The following MCM8 variants were observed in gnomAD, a reference collection of about 807,000 sequenced individuals.
MCM8 encodes the protein minichromosome maintenance 8 homologous recombination repair factor, also known as DNA helicase MCM8.
A neutral mutation model predicts 98.9 loss-of-function variants in MCM8; 85 were observed. The observed-to-expected ratio is 0.86, with a 90% confidence interval of 0.72 to 1.03. MCM8 has a LOEUF of 1.03. Among genes scored for constraint, MCM8 ranks in the 50% least tolerant of loss-of-function variants. The pLI is 0.00. For synonymous variants in MCM8, 352 were observed against 338.6 expected (o/e 1.04, Z -0.44); for missense variants, 951 against 997.8 (o/e 0.95, Z 0.63).
At chr20:5,991,608 C>G (rs150024906) in intron 17 of MCM8, 1 of 152,166 alleles carries the variant, frequency 6.6e-6, no homozygotes, top group East Asian at 1.9e-4. Flanking sequence ...TTGGAATTAC[C>G]TGACACTATG....
At position 5,984,887 on chromosome 20, in the gene MCM8, G is replaced by A; in HGVS notation, c.1840G>A (p.Ala614Thr). The A allele has an allele frequency of 6.2e-7, 1 of 1,614,122 alleles. No homozygotes were observed. Residue 614 changes from alanine (A) to threonine (T), a missense_variant, in exon 15 of 19, where the codon GCT becomes ACT. By Grantham distance (58) the Ala-to-Thr change is moderately conservative. Coordinates refer to ENST00000610722, the MANE Select transcript of MCM8 (RefSeq NM_032485.6). ...LLSEHVIAIR[A>T]GKQRTISSAT... ...CTCTGAACATGTGATTGCAATAAGA[G>A]CTGGAAAGCAGAGAACCATTAGCAG...
intron 10 of MCM8, among the ~76,000 whole-genome samples, chr20:5,968,760 T>C (rs2089335913): frequency 6.6e-6 from 1 of 152,252 alleles, no homozygotes; most frequent in Admixed American, 6.5e-5. Context: ...GAATATTTAC[T>C]ATCTTATACA....
At position 5,981,593 on chromosome 20, in the gene MCM8, G is replaced by A. The variant is rs754918894; in HGVS notation, c.1538-1377G>A. Among the ~76,000 whole-genome samples, 11 of 152,230 alleles carry A rather than the reference G, an allele frequency of 7.2e-5. No individual in the cohort carries two copies. In the East Asian group the frequency reaches 2.1e-3, roughly 29 times the overall value. Reference sequence around the variant, plus strand: ...GGGTCAAAATTACATTGGGAAAAGCGTATTGACAAGAATTCATATATACTG... The same window carrying A: ...GGGTCAAAATTACATTGGGAAAAGCATATTGACAAGAATTCATATATACTG... On this transcript the variant is annotated intron_variant, in intron 13 of 18. Coordinates refer to ENST00000610722, the MANE Select transcript of MCM8 (RefSeq NM_032485.6).
At chr20:5,990,209 G>A (rs2089821249) in intron 17 of MCM8, among the ~76,000 whole-genome samples, 1 of 151,962 alleles carries the variant, frequency 6.6e-6, no homozygotes, top group Non-Finnish European at 1.5e-5. Flanking sequence ...TGAATAGCTG[G>A]GATTACAGGC....
chr20:5,986,754 T>G (rs1213616513), intron 16 of MCM8, among the ~76,000 whole-genome samples: 2 of 152,250 alleles, frequency 1.3e-5, no homozygotes, highest in Non-Finnish European at 2.9e-5. Flanking sequence ...GAAATATACG[T>G]TAACAAGTAA....
At chr20:5,984,255 A>G (rs2089686570) in intron 14 of MCM8, among the ~76,000 whole-genome samples, 1 of 152,258 alleles carries the variant, frequency 6.6e-6, no homozygotes, top group Non-Finnish European at 1.5e-5. Context: ...ATGTATCAAT[A>G]TAGAAACAGT....
intron 11 of MCM8, chr20:5,972,455 A>G: frequency 1.2e-5 from 3 of 256,882 alleles, no homozygotes; most frequent in Non-Finnish European, 2.3e-5. Flanking sequence ...TGATCCACCC[A>G]ATTTAGCCTC....
At chr20:5,957,270 C>A in intron 6 of MCM8, 41 bp downstream of exon 6, 1 of 1,412,550 alleles carries the variant, frequency 7.1e-7, no homozygotes, top group Non-Finnish European at 9.9e-7. Flanking sequence ...TAGAATGGGA[C>A]ATTGAAGGCC....
At chr20:5,979,716 A>T (rs1048356749) in intron 13 of MCM8, among the ~76,000 whole-genome samples, 1 of 152,194 alleles carries the variant, frequency 6.6e-6, no homozygotes, top group Non-Finnish European at 1.5e-5. Flanking sequence ...CATGTCTCAC[A>T]TGGATTATTA....
At chr20:5,986,155 C>CT (rs769185372) in intron 16 of MCM8, 24 bp downstream of exon 16, 3 of 1,609,014 alleles carry the variant, frequency 1.9e-6, no homozygotes, top group Non-Finnish European at 2.6e-6. Context: ...TATGGTCATG[C>CT]TTTTTTTGGC....
intron 7 of MCM8, among the ~76,000 whole-genome samples, chr20:5,959,823 C>T (rs937187217): frequency 4.0e-5 from 6 of 151,450 alleles, no homozygotes; most frequent in East Asian, 2.0e-4. Flanking sequence ...CTCAGCCTCT[C>T]GAGTAGCTGG....
Position 5,953,623 on chromosome 20 carries a change from G to A in MCM8, c.254-985G>A, listed in dbSNP as rs530434749. ...CGAGTAGCTGGGACTACAGGCACCC[G>A]CCACCACGCCCGGCTAATTTTTTCT... On this transcript the variant is annotated intron_variant, in intron 3 of 18. Coordinates refer to ENST00000610722, the MANE Select transcript of MCM8 (RefSeq NM_032485.6). 2.2e-4 allele frequency among the ~76,000 whole-genome samples: 33 copies of A among 151,988 alleles called. 1 individual carries two copies. The East Asian group carries it at 3.5e-3, about 16-fold the overall frequency.
chr20:5,958,140 G>GT (rs2089035784), intron 6 of MCM8, among the ~76,000 whole-genome samples: 4 of 152,332 alleles, frequency 2.6e-5, no homozygotes, highest in South Asian at 4.1e-4. Context: ...GGAGTCCGAG[G>GT]CAGGCGGATC....
chr20:5,985,268 A>G (rs2089707894), intron 15 of MCM8, among the ~76,000 whole-genome samples: 1 of 151,842 alleles, frequency 6.6e-6, no homozygotes, highest in East Asian at 2.0e-4. Flanking sequence ...ACATGATGAA[A>G]CCCCATCTCT....
In MCM8 at chr20:5,963,373, C is replaced by T. The variant is rs368319090; in HGVS notation, c.875+14C>T. ...GCAGTCAATCAAGTAAGCGATCAGA[C>T]TGTTACATAAAAGGCAGGCTTTAGA... is the stretch of plus-strand genomic sequence containing the variant. On this transcript the variant is annotated intron_variant, in intron 8 of 18. Transcript: ENST00000610722. 184 of 1,605,240 alleles carry T rather than the reference C, an allele frequency of 1.1e-4. No individual in the cohort carries two copies. The highest frequency in any genetic ancestry group is 1.5e-4 in the Non-Finnish European group (178 of 1,172,486).
At chr20:5,992,173 A>G (rs897806980) in intron 17 of MCM8, among the ~76,000 whole-genome samples, 4 of 152,332 alleles carry the variant, frequency 2.6e-5, no homozygotes, top group Non-Finnish European at 5.9e-5. Context: ...AATATTTTAC[A>G]TAGCTTTTTA....
chr20:5,994,025 T>G (rs2089907266), intron 18 of MCM8: 1 of 351,020 alleles, frequency 2.8e-6, no homozygotes, highest in Admixed American at 4.5e-5. Context: ...TATGGAAAAT[T>G]AACTTCTTAA....
intron 16 of MCM8, 46 bp downstream of exon 16, chr20:5,986,177 G>GGGTGT (rs1380788155): frequency 1.9e-6 from 3 of 1,562,740 alleles, no homozygotes; most frequent in Non-Finnish European, 2.6e-6. Flanking sequence ...TAAAGGGGAA[G>GGGTGT]GGTGTGCCTT....
intron 10 of MCM8, among the ~76,000 whole-genome samples, chr20:5,969,933 G>A (rs564708106): frequency 6.6e-6 from 1 of 152,188 alleles, no homozygotes; most frequent in East Asian, 1.9e-4. Context: ...ATTTTTAGTG[G>A]TCCCTCTTCT....
Sources: allele counts gnomAD v4.1 joint callset (sites outside exome capture counted in the v4.1 genomes callset), GRCh38; gene constraint gnomAD v4.1.1; transcripts MANE v1.5; gene names NCBI Gene and HGNC (gene_info 2026-07-23, HGNC 2026-07-21).